SEC14L6: variants seen among roughly 807,000 people sequenced by gnomAD.
SEC14L6 encodes SEC14 like lipid binding 6.
A neutral mutation model predicts 54.1 loss-of-function variants in SEC14L6; 40 were observed. That is an observed-to-expected ratio of 0.74 (90% CI 0.57 to 0.96). The LOEUF (loss-of-function observed/expected upper bound fraction) is 0.96, where lower values mean the gene tolerates loss of function less well. SEC14L6 is among the 40% of genes least tolerant of loss of function. SEC14L6 has a pLI of 0.00. For synonymous variants in SEC14L6, 171 were observed against 198.4 expected, an observed-to-expected ratio of 0.86 and a Z score of 1.16; for missense variants, 471 against 498.3, an observed-to-expected ratio of 0.95 and a Z score of 0.52.
chr22:30,526,240 G>A (rs1288442532), intron 8 of SEC14L6, among the ~76,000 whole-genome samples: 3 of 152,326 alleles, frequency 2.0e-5, no homozygotes, highest in Non-Finnish European at 4.4e-5. Context: ...ATAGGAACTC[G>A]GACCAGCAAC....
In SEC14L6 at chr22:30,534,036, C is replaced by T. The variant is rs765201906; in HGVS notation, c.134G>A (p.Arg45Gln). The T allele has an allele frequency of 9.8e-5, 152 of 1,550,798 alleles. No homozygotes were observed. The highest frequency in any genetic ancestry group is 1.2e-4 in the Admixed American group (6 of 50,980). Reference sequence around the variant, plus strand: ...CTCTGATTTCTGCAGGTCAAAGCTCCGAGCTGCAACAAGAGACAGGGTTAT... The same window carrying T: ...CTCTGATTTCTGCAGGTCAAAGCTCTGAGCTGCAACAAGAGACAGGGTTAT... ...DYFLLRWLQA[R>Q]SFDLQKSEDM... Residue 45 changes from arginine to glutamine, a missense_variant, in exon 3 of 12, where the codon CGG (arginine) becomes CAG (glutamine). Transcript: ENST00000402034.
intron 2 of SEC14L6, among the ~76,000 whole-genome samples, chr22:30,537,363 C>A (rs1414928969): frequency 6.6e-6 from 1 of 152,048 alleles, no homozygotes; most frequent in Non-Finnish European, 1.5e-5. Flanking sequence ...GCCTGTAATC[C>A]CAGCACTTTG....
At chr22:30,526,969 G>C (rs958283168) in intron 8 of SEC14L6, among the ~76,000 whole-genome samples, 2 of 151,988 alleles carry the variant, frequency 1.3e-5, no homozygotes, top group African/African-American at 4.8e-5. Flanking sequence ...GTGGTAGTGT[G>C]CATCTATAGT....
chr22:30,530,781 T>C (rs866641703), intron 6 of SEC14L6, among the ~76,000 whole-genome samples: 8 of 152,360 alleles, frequency 5.3e-5, no homozygotes, highest in South Asian at 2.1e-4. Context: ...CTGGCTGCCC[T>C]GCGGCCCAGG....
At chr22:30,543,419 A>G (rs2146304633) in intron 1 of SEC14L6, 1 of 1,606,972 alleles carries the variant, frequency 6.2e-7, no homozygotes, top group Non-Finnish European at 8.5e-7. Flanking sequence ...CAGAGACTAC[A>G]GTTGACCTGG....
intron 11 of SEC14L6, 87 bp from the exon 12 acceptor site, chr22:30,525,196 C>A: frequency 7.9e-7 from 1 of 1,271,776 alleles, no homozygotes; most frequent in South Asian, 1.3e-5. Context: ...GGTACCCAGA[C>A]CAGGGAACCA....
At chr22:30,531,617 G>A (rs143723414) in intron 6 of SEC14L6, among the ~76,000 whole-genome samples, 1,722 of 152,162 alleles carry the variant, frequency 0.011, 28 homozygotes, top group African/African-American at 0.039. Flanking sequence ...GCAGCTACTC[G>A]GGAGGCTGAG....
chr22:30,540,730 A>AT (rs397951333), intron 1 of SEC14L6, among the ~76,000 whole-genome samples: 3 of 149,764 alleles, frequency 2.0e-5, no homozygotes, highest in South Asian at 2.1e-4. Flanking sequence ...AAAAAAAAAA[A>AT]TCAATTGGCT....
intron 6 of SEC14L6, 26 bp downstream of exon 6, chr22:30,531,877 C>T: frequency 6.6e-7 from 1 of 1,509,358 alleles, no homozygotes; most frequent in African/African-American, 1.4e-5. Context: ...GACCACCCAC[C>T]CATGCCCCTG....
In SEC14L6 at chr22:30,542,451, G is replaced by C. The variant is rs1323849511; in HGVS notation, c.55-3549C>G. On this transcript the variant is annotated intron_variant, in intron 1 of 11. Coordinates refer to ENST00000402034, the MANE Select transcript of SEC14L6 (RefSeq NM_001193336.4). Reference sequence around the variant, plus strand: ...CCACCTTAAGAGGACGATGTAGCCAGCTCGCAGCGCTGACCTCAGAAAAAC... The same window carrying C: ...CCACCTTAAGAGGACGATGTAGCCACCTCGCAGCGCTGACCTCAGAAAAAC... The C allele has an allele frequency of 1.2e-5, 6 of 505,874 alleles. No individual in the cohort carries two copies. In the South Asian group the frequency reaches 1.4e-4, roughly 12 times the overall value. The allele number at this position is 505,874 out of a possible 1,614,324, so 31.3% of individuals were successfully genotyped here.
At chr22:30,528,070 T>C (rs968913576) in intron 8 of SEC14L6, among the ~76,000 whole-genome samples, 5 of 151,752 alleles carry the variant, frequency 3.3e-5, no homozygotes, top group Non-Finnish European at 7.4e-5. Context: ...TTCTGTACTT[T>C]ACAAATTTCT....
intron 8 of SEC14L6, among the ~76,000 whole-genome samples, chr22:30,527,880 C>T (rs1295629963): frequency 6.6e-6 from 1 of 151,784 alleles, no homozygotes; most frequent in Non-Finnish European, 1.5e-5. Context: ...AAAAATAATA[C>T]AAACAACCTG....
intron 2 of SEC14L6, among the ~76,000 whole-genome samples, chr22:30,537,021 CAAAAAAAAAA>C (rs11383409): frequency 1.3e-5 from 1 of 78,512 alleles, no homozygotes; most frequent in Non-Finnish European, 2.3e-5. Context: ...GACTCTGACT[CAAAAAAAAAA>C]AAAAAAAAAA....
intron 1 of SEC14L6, chr22:30,543,445 G>T (rs1343629575): frequency 4.3e-6 from 7 of 1,611,686 alleles, no homozygotes; most frequent in Non-Finnish European, 5.9e-6. Context: ...GAACGGCAAT[G>T]TGTCCCGGAC....
intron 11 of SEC14L6, 35 bp downstream of exon 11, chr22:30,525,315 C>T: frequency 6.2e-7 from 1 of 1,606,606 alleles, no homozygotes; most frequent in Admixed American, 1.7e-5. Flanking sequence ...CCCTAGCCCC[C>T]AGCTCCAGGT....
chr22:30,540,367 C>CTTTTTTTTTTTTTT (rs753718105), intron 1 of SEC14L6, among the ~76,000 whole-genome samples: 14 of 114,032 alleles, frequency 1.2e-4, no homozygotes, highest in Admixed American at 1.8e-4. Context: ...CTTTTTGTTC[C>CTTTTTTTTTTTTTT]TTTTTTTTTT....
At chr22:30,545,891 C>A (rs914249145) in intron 1 of SEC14L6, among the ~76,000 whole-genome samples, 1 of 151,882 alleles carries the variant, frequency 6.6e-6, no homozygotes, top group East Asian at 2.0e-4. Flanking sequence ...AGTGCAGTGG[C>A]AGAATCTTGG....
chr22:30,541,656 TCAAA>T (rs1244275062), intron 1 of SEC14L6, among the ~76,000 whole-genome samples: 2 of 149,704 alleles, frequency 1.3e-5, no homozygotes, highest in Non-Finnish European at 3.0e-5. Context: ...AGACTCCATC[TCAAA>T]AAAGAAAAAA....
intron 8 of SEC14L6, among the ~76,000 whole-genome samples, chr22:30,526,445 C>T (rs769813580): frequency 1.1e-4 from 16 of 152,202 alleles, no homozygotes; most frequent in Admixed American, 2.0e-4. Flanking sequence ...CAAAGGGACA[C>T]GGGCATTGCA....
Sources: gnomAD v4.1 joint callset for allele counts (sites outside exome capture counted in the v4.1 genomes callset) on GRCh38, gnomAD v4.1.1 for gene constraint, MANE v1.5 for transcripts, NCBI Gene and HGNC (gene_info 2026-07-23, HGNC 2026-07-21) for gene names.